Variants in SHQ1 observed in about 807,000 individuals in gnomAD.
The protein encoded by SHQ1 is SHQ1, H/ACA ribonucleoprotein assembly factor.
A neutral mutation model predicts 53.8 loss-of-function variants in SHQ1; 49 were observed. The ratio of observed to expected loss-of-function variants is 0.91; its 90% CI spans 0.72 to 1.16. The LOEUF is 1.16. Ranked by LOEUF, SHQ1 falls within the 50% of genes most tolerant of loss-of-function variation. The pLI, the probability that SHQ1 is intolerant of heterozygous loss-of-function variation, is 0.00. For missense variants in SHQ1, 738 were observed against 683.1 expected, an observed-to-expected ratio of 1.08 and a Z score of -0.90; for synonymous variants, 243 against 251.0, an observed-to-expected ratio of 0.97 and a Z score of 0.30.
intron 10 of SHQ1, chr3:72,752,962 C>T (rs1705420333): frequency 7.1e-6 from 7 of 985,188 alleles, no homozygotes; most frequent in East Asian, 1.1e-4. Context: ...CATGACCAGC[C>T]GAAGACGCTT....
chr3:72,833,081 T>C (rs1402525524), intron 4 of SHQ1, among the ~76,000 whole-genome samples: 1 of 152,200 alleles, frequency 6.6e-6, no homozygotes, highest in Non-Finnish European at 1.5e-5. Flanking sequence ...AGTATTTCCT[T>C]TGAGTGCCAT....
At chr3:72,801,148 A>C (rs992913488) in intron 9 of SHQ1, among the ~76,000 whole-genome samples, 2 of 152,242 alleles carry the variant, frequency 1.3e-5, no homozygotes, top group Admixed American at 6.5e-5. Context: ...CATTAAAAAA[A>C]AAAATCTCTG....
chr3:72,839,339 T>C (rs555193103), intron 4 of SHQ1, among the ~76,000 whole-genome samples: 5 of 152,278 alleles, frequency 3.3e-5, no homozygotes, highest in Non-Finnish European at 7.3e-5. Flanking sequence ...TCACCAGCGA[T>C]TGTGATCAAG....
the SHQ1 span, among the ~76,000 whole-genome samples, chr3:72,743,790 A>G: frequency 1.3e-5 from 2 of 152,192 alleles, no homozygotes; most frequent in South Asian, 4.1e-4. Flanking sequence ...GCTCTAGTAA[A>G]TAAGATAGGA....
At chr3:72,740,027 C>T in the SHQ1 span, among the ~76,000 whole-genome samples, 1 of 152,202 alleles carries the variant, frequency 6.6e-6, no homozygotes, top group Admixed American at 6.5e-5. Context: ...CTTCACCACT[C>T]CTCTTCTGAA....
intron 10 of SHQ1, 116 bp downstream of exon 10, chr3:72,792,784 CAAAAAAAAAAAAAAAA>C: frequency 1.9e-5 from 5 of 258,904 alleles, no homozygotes; most frequent in South Asian, 8.2e-5. Context: ...ACCTCCATCT[CAAAAAAAAAAAAAAAA>C]AAAAAAAAAA....
At chr3:72,765,921 G>A (rs747287963) in intron 10 of SHQ1, among the ~76,000 whole-genome samples, 1 of 152,084 alleles carries the variant, frequency 6.6e-6, no homozygotes, top group African/African-American at 2.4e-5. Flanking sequence ...TGCTCATGGA[G>A]CTTATATTCT....
intron 10 of SHQ1, chr3:72,753,434 T>TACTC: frequency 3.0e-6 from 3 of 985,408 alleles, no homozygotes; most frequent in Non-Finnish European, 3.6e-6. Context: ...TTTCTCAAAG[T>TACTC]ACTCAGCACA....
chr3:72,731,330 T>C, the SHQ1 span, among the ~76,000 whole-genome samples: 1 of 150,930 alleles, frequency 6.6e-6, no homozygotes, highest in African/African-American at 2.5e-5. Context: ...AGTACCTACA[T>C]AACAAAAGAG....
intron 10 of SHQ1, among the ~76,000 whole-genome samples, chr3:72,774,797 G>A (rs1250165590): frequency 6.6e-6 from 1 of 152,124 alleles, no homozygotes; most frequent in African/African-American, 2.4e-5. Flanking sequence ...TAATGAAATA[G>A]AAGACAGACA....
At chr3:72,756,010 C>A (rs1371339057) in intron 10 of SHQ1, among the ~76,000 whole-genome samples, 1 of 152,174 alleles carries the variant, frequency 6.6e-6, no homozygotes, top group Non-Finnish European at 1.5e-5. Context: ...GTGATCCTCC[C>A]ACCTCAGCCT....
At chr3:72,764,008 TG>T (rs1377994335) in intron 10 of SHQ1, among the ~76,000 whole-genome samples, 1 of 145,844 alleles carries the variant, frequency 6.9e-6, no homozygotes, top group East Asian at 2.0e-4. Flanking sequence ...AGTTTACAAA[TG>T]GAAAAAAAAA....
intron 5 of SHQ1, among the ~76,000 whole-genome samples, chr3:72,830,407 G>A (rs904542460): frequency 6.6e-6 from 1 of 151,754 alleles, no homozygotes; most frequent in African/African-American, 2.4e-5. Context: ...TATACATTAT[G>A]TATTACATGT....
downstream of SHQ1, among the ~76,000 whole-genome samples, chr3:72,746,521 C>T (rs1345998164): frequency 6.6e-6 from 1 of 152,182 alleles, no homozygotes; most frequent in African/African-American, 2.4e-5. Context: ...AAAGCTTCAA[C>T]CTCCATGAAC....
chr3:72,821,140 A>G (rs1354275420), intron 6 of SHQ1, among the ~76,000 whole-genome samples: 3 of 152,210 alleles, frequency 2.0e-5, no homozygotes, highest in South Asian at 2.1e-4. Flanking sequence ...GCTGCATTCA[A>G]ACCTTCAGCC....
At chr3:72,828,599 C>T (rs569344094) in intron 5 of SHQ1, among the ~76,000 whole-genome samples, 1 of 151,934 alleles carries the variant, frequency 6.6e-6, no homozygotes, top group Non-Finnish European at 1.5e-5. Context: ...GAGGCTGAGG[C>T]GGGAGAATGA....
intron 5 of SHQ1, among the ~76,000 whole-genome samples, chr3:72,826,886 C>A (rs1288102164): frequency 6.6e-6 from 1 of 152,218 alleles, no homozygotes; most frequent in East Asian, 1.9e-4. Context: ...TCCCTACCAA[C>A]TAAACACTTA....
chr3:72,763,063 A>ACATACACACT (rs1491509394), intron 10 of SHQ1, among the ~76,000 whole-genome samples: 5 of 88,008 alleles, frequency 5.7e-5, no homozygotes, highest in African/African-American at 2.0e-4. Context: ...ACACACACAC[A>ACATACACACT]GAGAGAGAGA....
At chr3:72,739,107 T>A in the SHQ1 span, among the ~76,000 whole-genome samples, 1 of 152,368 alleles carries the variant, frequency 6.6e-6, no homozygotes, top group South Asian at 2.1e-4. Flanking sequence ...CGCGGGGCCA[T>A]CCGGGAGCTG....
Sources: gnomAD v4.1 joint callset for allele counts (sites outside exome capture counted in the v4.1 genomes callset) on GRCh38, gnomAD v4.1.1 for gene constraint, MANE v1.5 for transcripts, NCBI Gene and HGNC (gene_info 2026-07-23, HGNC 2026-07-21) for gene names.